The following MS4A1 variants were observed in gnomAD, a reference collection of about 807,000 sequenced individuals.
The protein encoded by MS4A1 is membrane spanning 4-domains A1, also known as B-lymphocyte antigen CD20.
In MS4A1, 16 loss-of-function variants were observed where a neutral mutation model predicts 26.5. The ratio of observed to expected loss-of-function variants is 0.60; its 90% CI spans 0.41 to 0.92. The LOEUF is 0.92. Among genes scored for constraint, MS4A1 ranks in the 40% least tolerant of loss-of-function variants. The pLI is 0.00. For missense variants in MS4A1, 350 were observed against 353.0 expected (o/e 0.99, Z 0.07); for synonymous variants, 128 against 117.6 (o/e 1.09, Z -0.57).
chr11:60,468,279 A>T lies in MS4A1; in HGVS notation c.705A>T (p.Lys235Asn). The T allele has an allele frequency of 6.2e-7, 1 of 1,613,666 alleles. No homozygotes were observed. The highest frequency in any genetic ancestry group is 1.1e-5 in the South Asian group (1 of 90,950). ...TAGTTCTCCTGTCAGCAGAAGAAAA[A>T]AAAGAACAGACTATTGAAATAAAAG... ...SNIVLLSAEE[K>N]KEQTIEIKEE... Residue 235 changes from lysine (K) to asparagine (N), a missense_variant, in exon 8 of 8, where the codon AAA becomes AAT. By Grantham distance (94) the Lys-to-Asn change is moderately conservative. Coordinates refer to ENST00000345732, the MANE Select transcript of MS4A1 (RefSeq NM_152866.3).
At chr11:60,467,110 C>A in intron 7 of MS4A1, 50 bp downstream of exon 7, 2 of 1,392,102 alleles carry the variant, frequency 1.4e-6, no homozygotes, top group Non-Finnish European at 1.0e-6. Flanking sequence ...AATCCACATC[C>A]ACAAAGGATC....
At chr11:60,456,681 A>G (rs2086206508) in intron 1 of MS4A1, among the ~76,000 whole-genome samples, 1 of 152,218 alleles carries the variant, frequency 6.6e-6, no homozygotes, top group South Asian at 2.1e-4. Context: ...TGAATCCAGT[A>G]TATAAGTGAT....
At position 60,460,744 on chromosome 11, in the gene MS4A1, T is replaced by C. The variant is rs1014312742; in HGVS notation, c.-279-328T>C. 7.8e-4 allele frequency among the ~76,000 whole-genome samples: 117 copies of C among 149,128 alleles called. 1 individual carries two copies. The highest frequency in any genetic ancestry group is 2.8e-3 in the African/African-American group (117 of 41,426). On this transcript the variant is annotated intron_variant, in intron 1 of 7. Coordinates refer to ENST00000345732, the MANE Select transcript of MS4A1 (RefSeq NM_152866.3). ...AACCCAAGATGAAGATTGAACAGAA[T>C]CTTAAAATGTCTGAGCTGGAAAGGG...
At chr11:60,456,356 G>A (rs1399151841) in intron 1 of MS4A1, among the ~76,000 whole-genome samples, 2 of 152,076 alleles carry the variant, frequency 1.3e-5, no homozygotes, top group Non-Finnish European at 2.9e-5. Context: ...AGGAAAATTG[G>A]AACTAAAATC....
chr11:60,467,734 C>A (rs2086306106), intron 7 of MS4A1, among the ~76,000 whole-genome samples: 1 of 152,094 alleles, frequency 6.6e-6, no homozygotes, highest in Non-Finnish European at 1.5e-5. Flanking sequence ...CTCTTCCCTC[C>A]TTTTCACCTA....
At chr11:60,466,209 T>A in intron 6 of MS4A1, 52 bp downstream of exon 6, 1 of 1,393,432 alleles carries the variant, frequency 7.2e-7, no homozygotes, top group Non-Finnish European at 1.0e-6. Flanking sequence ...GGAGGAAGGA[T>A]GACTTGTTTA....
intron 5 of MS4A1, chr11:60,465,705 G>C: frequency 1.8e-6 from 1 of 557,678 alleles, no homozygotes; most frequent in Non-Finnish European, 3.2e-6. Context: ...AAAACAGATG[G>C]ATGGTGAATG....
At chr11:60,463,385 G>C (rs2086264943) in intron 4 of MS4A1, among the ~76,000 whole-genome samples, 1 of 152,188 alleles carries the variant, frequency 6.6e-6, no homozygotes, top group Non-Finnish European at 1.5e-5. Context: ...ACTCTCCAAA[G>C]TCAGTTCTGG....
rs201402129 is a variant in MS4A1, at chr11:60,470,010, C to T, written c.*1542C>T. The T allele has an allele frequency of 6.6e-6, 1 of 152,060 alleles. No homozygotes were observed. Among genetic ancestry groups the T allele is most frequent in the South Asian group, 2.1e-4 (1 of 4,826 alleles). The allele number at this position is 152,060 out of a possible 1,614,324, so 9.4% of individuals were successfully genotyped here. A position where few individuals can be genotyped will look rare whatever the true frequency, so the allele number is the denominator to read the frequency against. ...AAGATTTCTGTCTATGTAAAGTTCT[C>T]AAAATTTGTTCTAAATTAATAAAAC... On this transcript the variant is annotated 3_prime_UTR_variant, in exon 8 of 8. Transcript: ENST00000345732.
chr11:60,462,384 C>A lies in MS4A1; in HGVS notation c.10C>A (p.Pro4Thr). 3 of 1,614,128 alleles carry A rather than the reference C, an allele frequency of 1.9e-6. No homozygotes were observed. Among genetic ancestry groups the A allele is most frequent in the Middle Eastern group, 1.6e-4 (1 of 6,062 alleles). Residue 4 changes from proline (P) to threonine (T), a missense_variant, in exon 3 of 8, where the codon CCC (proline) becomes ACC (threonine). By Grantham distance (38) the Pro-to-Thr change is conservative. Transcript: ENST00000345732. Reference protein sequence around the residue: MTTPRNSVNGTFPA... With the variant: MTTTRNSVNGTFPA... ...GAGTTTTGAGAGCAAAATGACAACA[C>A]CCAGAAATTCAGTAAATGGGACTTT...
intron 1 of MS4A1, among the ~76,000 whole-genome samples, chr11:60,458,556 G>A (rs1189502531): frequency 6.6e-6 from 1 of 152,162 alleles, no homozygotes; most frequent in Non-Finnish European, 1.5e-5. Flanking sequence ...AAATCTTATT[G>A]TTATCATATT....
In MS4A1 at chr11:60,462,432, C is replaced by T. The variant is rs2135197220; in HGVS notation, c.58C>T (p.Pro20Ser). ...TTTCCCGGCAGAGCCAATGAAAGGCCCTATTGCTATGCAATCTGGTCCAAA... is the reference window on the plus strand; with the variant it reads ...TTTCCCGGCAGAGCCAATGAAAGGCTCTATTGCTATGCAATCTGGTCCAAA... ...GTFPAEPMKG[P>S]IAMQSGPKPL... The change falls in exon 3 of 8, where the codon CCT becomes TCT. Residue 20 changes from proline to serine, a missense_variant. By Grantham distance (74) the Pro-to-Ser change is moderately conservative (BLOSUM62 -1). Transcript: ENST00000345732. The T allele has an allele frequency of 6.2e-7, 1 of 1,614,136 alleles. No individual in the cohort carries two copies. The highest frequency in any genetic ancestry group is 1.1e-5 in the South Asian group (1 of 91,080).
chr11:60,461,678 C>G (rs943557740), intron 2 of MS4A1, among the ~76,000 whole-genome samples: 1 of 151,680 alleles, frequency 6.6e-6, no homozygotes, highest in African/African-American at 2.4e-5. Flanking sequence ...CACCAACATG[C>G]CTGGCTAATT....
At position 60,466,093 on chromosome 11, in the gene MS4A1, C is replaced by A; in HGVS notation, c.509C>A (p.Ala170Asp). Residue 170 changes from alanine to aspartate, a missense_variant, in exon 6 of 8, where the codon GCT becomes GAT. Ala to Asp is a moderately radical substitution (Grantham distance 126). Transcript: ENST00000345732. ...ATTAACATATACAACTGTGAACCAG[C>A]TAATCCCTCTGAGAAAAACTCCCCA... ...PYINIYNCEP[A>D]NPSEKNSPST... The A allele has an allele frequency of 6.2e-7, 1 of 1,613,914 alleles. No individual in the cohort carries two copies.
intron 1 of MS4A1, among the ~76,000 whole-genome samples, chr11:60,456,949 G>T (rs951333937): frequency 6.6e-6 from 1 of 152,114 alleles, no homozygotes; most frequent in Non-Finnish European, 1.5e-5. Context: ...CACTTGTTAA[G>T]CTTCCCTGAG....
At position 60,468,805 on chromosome 11, in the gene MS4A1, A is replaced by C; in HGVS notation, c.*337A>C. ...TTTGTCATTTTCTCCATCAACAACCAGGGAGACTGCACCTGATGGAAAAGA... is the reference window on the plus strand; with the variant it reads ...TTTGTCATTTTCTCCATCAACAACCCGGGAGACTGCACCTGATGGAAAAGA... On this transcript the variant is annotated 3_prime_UTR_variant, in exon 8 of 8. Transcript: ENST00000345732. 7.5e-6 allele frequency: 2 copies of C among 267,036 alleles called. No individual in the cohort carries two copies. Among genetic ancestry groups the C allele is most frequent in the South Asian group, 1.1e-4 (2 of 17,722 alleles). 16.5% of individuals were successfully genotyped at this position (267,036 alleles called of 1,614,324 possible). A position where few individuals can be genotyped will look rare whatever the true frequency, so the allele number is the denominator to read the frequency against.
intron 2 of MS4A1, among the ~76,000 whole-genome samples, chr11:60,461,754 A>C (rs536979598): frequency 6.6e-6 from 1 of 151,698 alleles, no homozygotes; most frequent in Non-Finnish European, 1.5e-5. Flanking sequence ...TCCTGACCTC[A>C]GGTGATCTGC....
Position 60,466,170 on chromosome 11 carries a change from G to T in MS4A1, c.573+13G>T, listed in dbSNP as rs1485924470. ...ATCTCTGTTCTTGGTAAGTGTTCTTGGTAAGTGTGAGATTGGATTTCTCTC... is the reference window on the plus strand; with the variant it reads ...ATCTCTGTTCTTGGTAAGTGTTCTTTGTAAGTGTGAGATTGGATTTCTCTC... On this transcript the variant is annotated intron_variant, in intron 6 of 7. Coordinates refer to ENST00000345732, the MANE Select transcript of MS4A1 (RefSeq NM_152866.3). The T allele has an allele frequency of 4.4e-6, 7 of 1,581,436 alleles. No individual in the cohort carries two copies. The African/African-American group carries it at 6.7e-5, about 15-fold the overall frequency.
chr11:60,468,773 AT>A lies in MS4A1; in HGVS notation c.*314del, dbSNP rs34273920. On this transcript the variant is annotated 3_prime_UTR_variant, in exon 8 of 8. Coordinates refer to ENST00000345732, the MANE Select transcript of MS4A1 (RefSeq NM_152866.3). ...CCTTGGATAGGCTTTTTAGTATAGTATTTTTTTTTGTCATTTTCTCCATCAA... is the reference window on the plus strand; with the variant it reads ...CCTTGGATAGGCTTTTTAGTATAGTATTTTTTTTGTCATTTTCTCCATCAA... The A allele has an allele frequency of 1.6e-3, 507 of 312,334 alleles. 1 individual carries two copies. Among genetic ancestry groups the A allele is most frequent in the Middle Eastern group, 2.9e-3 (3 of 1,042 alleles). The allele number at this position is 312,334 out of a possible 1,614,324, so 19.3% of individuals were successfully genotyped here.
Sources: allele counts gnomAD v4.1 joint callset (sites outside exome capture counted in the v4.1 genomes callset), GRCh38; gene constraint gnomAD v4.1.1; transcripts MANE v1.5; gene names NCBI Gene and HGNC (gene_info 2026-07-23, HGNC 2026-07-21).